LINGO2: variants seen among roughly 807,000 people sequenced by gnomAD.
The protein encoded by LINGO2 is leucine-rich repeat and immunoglobulin-like domain-containing nogo receptor-interacting protein 2.
LINGO2 carries 14 observed loss-of-function variants against 30.6 expected under a neutral mutation model. That is an observed-to-expected ratio of 0.46 (90% CI 0.30 to 0.72). The LOEUF (loss-of-function observed/expected upper bound fraction) is 0.72, where lower values mean the gene tolerates loss of function less well. LINGO2 is among the 30% of genes least tolerant of loss of function. The pLI is 0.07. For synonymous variants in LINGO2, 317 were observed against 288.5 expected, an observed-to-expected ratio of 1.10 and a Z score of -1.00; for missense variants, 729 against 751.7, an observed-to-expected ratio of 0.97 and a Z score of 0.35.
At chr9:28,893,905 C>T in the LINGO2 span, among the ~76,000 whole-genome samples, 1 of 151,724 alleles carries the variant, frequency 6.6e-6, no homozygotes, top group Non-Finnish European at 1.5e-5. Flanking sequence ...TCCCCCCTGC[C>T]CCCACCCCAC....
At chr9:28,275,225 C>G (rs553236993) in intron 4 of LINGO2, among the ~76,000 whole-genome samples, 1 of 151,960 alleles carries the variant, frequency 6.6e-6, no homozygotes, top group African/African-American at 2.4e-5. Context: ...CCCGCCACCA[C>G]GCTTGGCTAA....
chr9:28,503,276 TG>T (rs1184183172), intron 1 of LINGO2, among the ~76,000 whole-genome samples: 1 of 152,040 alleles, frequency 6.6e-6, no homozygotes, highest in Non-Finnish European at 1.5e-5. Context: ...ATGCATTAAA[TG>T]TACATAAAAA....
intron 4 of LINGO2, among the ~76,000 whole-genome samples, chr9:28,270,963 G>T (rs1337964864): frequency 2.6e-5 from 4 of 151,932 alleles, no homozygotes; most frequent in Non-Finnish European, 4.4e-5. Context: ...AACATCTTCA[G>T]CCTATTACTC....
intron 1 of LINGO2, among the ~76,000 whole-genome samples, chr9:28,635,055 C>T (rs1453210706): frequency 6.6e-6 from 1 of 152,128 alleles, no homozygotes; most frequent in Non-Finnish European, 1.5e-5. Context: ...AAGGAACCAG[C>T]ACTAGAAAAG....
chr9:28,552,589 G>A (rs950622021), intron 1 of LINGO2, among the ~76,000 whole-genome samples: 1 of 151,468 alleles, frequency 6.6e-6, no homozygotes, highest in African/African-American at 2.4e-5. Flanking sequence ...ATGGTCACAT[G>A]GTGAGTCTAT....
rs1262712436 is a variant in LINGO2 at position 28,537,281 on chromosome 9, G to A, written c.-364-61256C>T. On this transcript the variant is annotated intron_variant, in intron 1 of 5. Transcript: ENST00000379992. ...TCCATTGTTGATACCATGCAGTTGTGGTACTTTTATACATCAGCCCTAGCA... is the reference window on the plus strand; with the variant it reads ...TCCATTGTTGATACCATGCAGTTGTAGTACTTTTATACATCAGCCCTAGCA... Among the ~76,000 whole-genome samples the A allele has an allele frequency of 3.9e-5, 6 of 152,146 alleles. No homozygotes were observed. In the East Asian group the frequency reaches 1.2e-3, roughly 29 times the overall value.
chr9:28,731,978 G>A, the LINGO2 span, among the ~76,000 whole-genome samples: 3 of 151,892 alleles, frequency 2.0e-5, no homozygotes, highest in Non-Finnish European at 2.9e-5. Flanking sequence ...TATTGTTAAT[G>A]GTAGTATAAC....
At chr9:28,873,234 G>C in the LINGO2 span, among the ~76,000 whole-genome samples, 2 of 151,782 alleles carry the variant, frequency 1.3e-5, no homozygotes, top group South Asian at 4.2e-4. Flanking sequence ...GTCAGGAGTG[G>C]TGGCGGGCAC....
chr9:28,533,175 C>T lies in LINGO2; in HGVS notation c.-364-57150G>A, dbSNP rs148971453. 7.2e-5 allele frequency among the ~76,000 whole-genome samples: 11 copies of T among 152,210 alleles called. 1 individual carries two copies. The East Asian group carries it at 2.1e-3, about 30-fold the overall frequency. ...CTGACTTGCTGAGTTTTCCGGCCTT[C>T]ATCTTGCTCGGGTGCTGGTTGCTTC... On this transcript the variant is annotated intron_variant, in intron 1 of 5. Transcript: ENST00000379992.
chr9:28,599,615 T>C (rs1286071797), intron 1 of LINGO2, among the ~76,000 whole-genome samples: 2 of 152,178 alleles, frequency 1.3e-5, no homozygotes, highest in African/African-American at 2.4e-5. Context: ...AGAAAGTTTA[T>C]TGTTTAACTA....
chr9:29,007,770 T>C, the LINGO2 span, among the ~76,000 whole-genome samples: 13 of 152,232 alleles, frequency 8.5e-5, no homozygotes, highest in South Asian at 1.7e-3. Context: ...AATTTGACTA[T>C]GGACATGTTT....
chr9:29,038,856 T>A, the LINGO2 span, among the ~76,000 whole-genome samples: 1 of 152,112 alleles, frequency 6.6e-6, no homozygotes, highest in Non-Finnish European at 1.5e-5. Context: ...ACTAAAATAT[T>A]AAGACGCCTT....
chr9:28,898,953 A>T, the LINGO2 span, among the ~76,000 whole-genome samples: 9 of 152,146 alleles, frequency 5.9e-5, no homozygotes, highest in Non-Finnish European at 1.2e-4. Flanking sequence ...CCTACACTTA[A>T]ATTTCTTCAT....
chr9:28,269,259 T>A (rs1309909240), intron 4 of LINGO2, among the ~76,000 whole-genome samples: 2 of 152,100 alleles, frequency 1.3e-5, no homozygotes, highest in Non-Finnish European at 2.9e-5. Flanking sequence ...AGGACTGAGA[T>A]ATGGATTGAT....
intron 1 of LINGO2, among the ~76,000 whole-genome samples, chr9:28,632,028 T>C (rs1826965879): frequency 6.6e-6 from 1 of 152,104 alleles, no homozygotes; most frequent in African/African-American, 2.4e-5. Flanking sequence ...CAAATAGATG[T>C]CAACATCCAG....
chr9:28,276,193 G>C (rs1823108300), intron 4 of LINGO2, among the ~76,000 whole-genome samples: 1 of 152,018 alleles, frequency 6.6e-6, no homozygotes, highest in African/African-American at 2.4e-5. Flanking sequence ...GATGCTATAG[G>C]CTTCTTTAAT....
the LINGO2 span, among the ~76,000 whole-genome samples, chr9:29,038,814 G>A: frequency 3.3e-5 from 5 of 151,984 alleles, no homozygotes; most frequent in Non-Finnish European, 4.4e-5. Context: ...GCAGGATTAA[G>A]TAAACTATTG....
chr9:29,072,222 G>T, the LINGO2 span, among the ~76,000 whole-genome samples: 1 of 152,018 alleles, frequency 6.6e-6, no homozygotes, highest in African/African-American at 2.4e-5. Flanking sequence ...AAGAGCACAA[G>T]CCCTGCATAT....
intron 1 of LINGO2, among the ~76,000 whole-genome samples, chr9:28,495,504 T>G (rs1157603174): frequency 6.6e-6 from 1 of 152,120 alleles, no homozygotes; most frequent in Non-Finnish European, 1.5e-5. Context: ...TTTTGTCAGG[T>G]TTGTCAAAGA....
Sources: allele counts gnomAD v4.1 joint callset (sites outside exome capture counted in the v4.1 genomes callset), GRCh38; gene constraint gnomAD v4.1.1; transcripts MANE v1.5; gene names NCBI Gene and HGNC (gene_info 2026-07-23, HGNC 2026-07-21).